ENDOU: variants seen among roughly 807,000 people sequenced by gnomAD.
The protein encoded by ENDOU is endonuclease, poly(U) specific, also known as uridylate-specific endoribonuclease.
A neutral mutation model predicts 54.2 loss-of-function variants in ENDOU; 49 were observed. The ratio of observed to expected loss-of-function variants is 0.90; its 90% confidence interval spans 0.72 to 1.15. ENDOU has a LOEUF of 1.15. Ranked by LOEUF, ENDOU falls within the 50% of genes most tolerant of loss-of-function variation. The pLI is 0.00. For missense variants in ENDOU, 458 were observed against 511.4 expected (o/e 0.90, Z 1.01); for synonymous variants, 172 against 190.5 (o/e 0.90, Z 0.80).
chr12:47,712,465 G>T, intron 8 of ENDOU, 51 bp downstream of exon 8: 1 of 1,374,090 alleles, frequency 7.3e-7, no homozygotes, highest in Non-Finnish European at 1.0e-6. Flanking sequence ...AACACAGAGT[G>T]AGAGCAGGAT....
At chr12:47,711,009 G>A (rs900167171) in intron 9 of ENDOU, 90 bp from the exon 10 acceptor site, 4 of 799,256 alleles carry the variant, frequency 5.0e-6, no homozygotes, top group Admixed American at 2.4e-5. Context: ...TGAAGCAGAA[G>A]GGCTCCATTC....
chr12:47,711,450 T>C (rs1592498941), intron 9 of ENDOU, among the ~76,000 whole-genome samples, 183 bp downstream of exon 9: 1 of 152,206 alleles, frequency 6.6e-6, no homozygotes, highest in East Asian at 1.9e-4. Context: ...AGATGAAGTT[T>C]GGCAGCCACC....
chr12:47,714,272 C>G (rs761166077), intron 6 of ENDOU, among the ~76,000 whole-genome samples: 1 of 152,212 alleles, frequency 6.6e-6, no homozygotes, highest in Non-Finnish European at 1.5e-5. Context: ...CAGTCTAGCT[C>G]CAGAGACCAA....
At position 47,717,569 on chromosome 12, in the gene ENDOU, G is replaced by C; in HGVS notation, c.331C>G (p.Gln111Glu). The C allele has an allele frequency of 6.2e-7, 1 of 1,614,164 alleles. No homozygotes were observed. Among genetic ancestry groups the C allele is most frequent in the South Asian group, 1.1e-5 (1 of 91,086 alleles). ...TCCTTGCAGCAGTTCCCAAACTCTT[G>C]GCAGCGGGCATTGCAGTGACATTGG... is the stretch of plus-strand genomic sequence containing the variant. Reference protein sequence around the residue: ...HHQCHCNARCQEFGNCCKDFE... With the variant: ...HHQCHCNARCEEFGNCCKDFE... Residue 111 changes from glutamine to glutamate, a missense_variant, in exon 4 of 10, where the codon CAA (glutamine) becomes GAA (glutamate). Transcript: ENST00000422538.
intron 3 of ENDOU, 29 bp from the exon 4 acceptor site, chr12:47,717,684 G>C (rs1474122785): frequency 6.2e-7 from 1 of 1,611,038 alleles, no homozygotes; most frequent in Admixed American, 1.7e-5. Context: ...TGTGTCCCGG[G>C]CTGACCTCTA....
intron 5 of ENDOU, 140 bp from the exon 6 acceptor site, chr12:47,716,639 GTC>G (rs144128598): frequency 0.081 from 61,691 of 766,068 alleles, 2,995 homozygotes; most frequent in Middle Eastern, 0.11. Flanking sequence ...ACTCTTGAAA[GTC>G]ACACATCAGG....
intron 7 of ENDOU, 55 bp from the exon 8 acceptor site, chr12:47,712,677 C>A: frequency 7.5e-7 from 1 of 1,325,242 alleles, no homozygotes; most frequent in Non-Finnish European, 1.1e-6. Context: ...CCCTCCCCTC[C>A]AATCCCCTTT....
chr12:47,718,478 C>T (rs975951411), intron 2 of ENDOU, among the ~76,000 whole-genome samples: 1 of 152,218 alleles, frequency 6.6e-6, no homozygotes, highest in African/African-American at 2.4e-5. Flanking sequence ...GTGATGAAAA[C>T]TCTGATTTAA....
chr12:47,714,155 G>A (rs1940142360), intron 6 of ENDOU, among the ~76,000 whole-genome samples: 1 of 152,196 alleles, frequency 6.6e-6, no homozygotes, highest in Admixed American at 6.5e-5. Flanking sequence ...ATATAAGCTT[G>A]GTACTAATTA....
intron 4 of ENDOU, 31 bp from the exon 5 acceptor site, chr12:47,717,089 G>C: frequency 6.2e-7 from 1 of 1,605,780 alleles, no homozygotes; most frequent in Non-Finnish European, 8.5e-7. Context: ...GGTGGCCTCA[G>C]AGCCAGAGGG....
At chr12:47,717,200 T>C (rs1000432269) in intron 4 of ENDOU, 142 bp from the exon 5 acceptor site, 7 of 697,652 alleles carry the variant, frequency 1.0e-5, no homozygotes, top group South Asian at 1.7e-5. Flanking sequence ...ACCCTAGTGG[T>C]GGACAGGGGC....
At chr12:47,713,448 A>G in intron 6 of ENDOU, 60 bp from the exon 7 acceptor site, 1 of 1,163,596 alleles carries the variant, frequency 8.6e-7, no homozygotes, top group East Asian at 2.3e-5. Context: ...TGGGAGCGCT[A>G]AACAGAGACC....
At chr12:47,722,150 T>C (rs1302065895) in intron 1 of ENDOU, among the ~76,000 whole-genome samples, 9 of 152,212 alleles carry the variant, frequency 5.9e-5, no homozygotes, top group Non-Finnish European at 1.0e-4. Context: ...TTGGTTCTGG[T>C]TATGATTCAA....
chr12:47,712,589 T>C lies in ENDOU; in HGVS notation c.899A>G (p.His300Arg), dbSNP rs531377863. The C allele has an allele frequency of 6.2e-7, 1 of 1,614,140 alleles. No individual in the cohort carries two copies. Among genetic ancestry groups the C allele is most frequent in the East Asian group, 2.2e-5 (1 of 44,878 alleles). ...CTCCAGGTAGAAGCGGATCCAGTTA[T>C]GGAAGCCAGTAACCTTGCCTTTTTT... ...EVKKGKVTGF[H>R]NWIRFYLEEK... is the part of the protein sequence containing the mutation. The change falls in exon 8 of 10, where the codon CAT (histidine) becomes CGT (arginine). Residue 300 changes from histidine to arginine, a missense_variant. Transcript: ENST00000422538.
At chr12:47,716,784 T>C (rs1940254046) in intron 5 of ENDOU, 106 bp downstream of exon 5, 7 of 1,177,344 alleles carry the variant, frequency 5.9e-6, no homozygotes, top group Middle Eastern at 2.9e-4. Context: ...TTTTTTCTGC[T>C]CTCCCTTTGA....
chr12:47,711,842 A>T, intron 8 of ENDOU, 67 bp from the exon 9 acceptor site: 1 of 1,557,960 alleles, frequency 6.4e-7, no homozygotes. Context: ...CGGGTGCCCA[A>T]TGGCAACAGT....
chr12:47,712,121 C>T (rs531475340), intron 8 of ENDOU, among the ~76,000 whole-genome samples: 12 of 152,312 alleles, frequency 7.9e-5, no homozygotes, highest in East Asian at 7.7e-4. Context: ...TTCCTGGTAC[C>T]GGGCAGCAAA....
intron 1 of ENDOU, among the ~76,000 whole-genome samples, chr12:47,721,588 A>T (rs1335836185): frequency 6.6e-6 from 1 of 152,088 alleles, no homozygotes; most frequent in Non-Finnish European, 1.5e-5. Flanking sequence ...GTACATTCAG[A>T]TGAATTTATG....
chr12:47,723,054 T>C (rs948330816), intron 1 of ENDOU, among the ~76,000 whole-genome samples: 1 of 152,208 alleles, frequency 6.6e-6, no homozygotes, highest in Non-Finnish European at 1.5e-5. Context: ...GCAATGTTTT[T>C]AATGGGCCAA....
Sources: allele counts gnomAD v4.1 joint callset (sites outside exome capture counted in the v4.1 genomes callset), GRCh38; gene constraint gnomAD v4.1.1; transcripts MANE v1.5; gene names NCBI Gene and HGNC (gene_info 2026-07-23, HGNC 2026-07-21).